The following POU6F2 variants were observed in gnomAD, a reference collection of about 807,000 sequenced individuals.
POU6F2 encodes POU domain, class 6, transcription factor 2.
A neutral mutation model predicts 71.3 loss-of-function variants in POU6F2; 31 were observed. The ratio of observed to expected loss-of-function variants is 0.43; its 90% confidence interval spans 0.33 to 0.59. The LOEUF is 0.59. Ranked by LOEUF, POU6F2 falls within the 20% of genes least tolerant of loss-of-function variation. The pLI is 0.04. For missense variants in POU6F2, 783 were observed against 856.8 expected (o/e 0.91, Z 1.07); for synonymous variants, 347 against 355.7 (o/e 0.98, Z 0.27).
At chr7:39,253,470 G>T (rs949757806) in intron 4 of POU6F2, among the ~76,000 whole-genome samples, 11 of 152,266 alleles carry the variant, frequency 7.2e-5, no homozygotes, top group African/African-American at 2.6e-4. Flanking sequence ...ATTTAATTTT[G>T]GTATTTCTGT....
intron 2 of POU6F2, among the ~76,000 whole-genome samples, chr7:39,090,033 C>T (rs933178480): frequency 7.9e-5 from 12 of 151,620 alleles, no homozygotes; most frequent in African/African-American, 1.9e-4. Context: ...TGCAAAACCA[C>T]GTATAAGCAT....
chr7:39,420,823 CTA>C (rs1184614979), intron 6 of POU6F2, among the ~76,000 whole-genome samples: 1 of 152,076 alleles, frequency 6.6e-6, no homozygotes, highest in Non-Finnish European at 1.5e-5. Flanking sequence ...TACTTTGAAA[CTA>C]ACTTTTGAGA....
chr7:39,457,796 T>A (rs544883308), intron 8 of POU6F2, among the ~76,000 whole-genome samples: 2 of 152,274 alleles, frequency 1.3e-5, no homozygotes, highest in South Asian at 4.1e-4. Flanking sequence ...CAGCTTTCCA[T>A]CTTTTCAGTT....
chr7:39,114,983 C>T (rs1305382025), intron 2 of POU6F2, among the ~76,000 whole-genome samples: 1 of 152,112 alleles, frequency 6.6e-6, no homozygotes, highest in Non-Finnish European at 1.5e-5. Context: ...GTTTAGGGAG[C>T]TAAAATGCCT....
chr7:39,022,533 C>T (rs970090711), intron 1 of POU6F2, among the ~76,000 whole-genome samples: 24 of 152,012 alleles, frequency 1.6e-4, no homozygotes, highest in African/African-American at 5.6e-4. Context: ...TCCCTAGTGC[C>T]TCAGAGGCAA....
At chr7:39,410,469 A>T (rs1199764414) in intron 6 of POU6F2, among the ~76,000 whole-genome samples, 1 of 152,182 alleles carries the variant, frequency 6.6e-6, no homozygotes, top group East Asian at 1.9e-4. Context: ...ATTGCTGAGA[A>T]AAACATCCTA....
At chr7:39,382,098 C>T (rs1312260586) in intron 5 of POU6F2, among the ~76,000 whole-genome samples, 1 of 151,934 alleles carries the variant, frequency 6.6e-6, no homozygotes, top group African/African-American at 2.4e-5. Flanking sequence ...GTCAAAATGT[C>T]ATGTACATTA....
At chr7:39,274,146 C>A (rs2128757603) in intron 4 of POU6F2, among the ~76,000 whole-genome samples, 1 of 152,172 alleles carries the variant, frequency 6.6e-6, no homozygotes, top group East Asian at 1.9e-4. Flanking sequence ...TCTTTCAAGA[C>A]CGCTAGCAAG....
intron 4 of POU6F2, among the ~76,000 whole-genome samples, chr7:39,257,434 A>G (rs552957694): frequency 1.3e-5 from 2 of 152,254 alleles, no homozygotes; most frequent in South Asian, 2.1e-4. Context: ...TTAAATTCCT[A>G]TTCGTATTGG....
At chr7:39,170,837 T>C (rs1286231026) in intron 2 of POU6F2, among the ~76,000 whole-genome samples, 2 of 152,024 alleles carry the variant, frequency 1.3e-5, no homozygotes, top group African/African-American at 4.8e-5. Flanking sequence ...TATCAAAATA[T>C]CACATGTGGC....
At chr7:39,403,995 C>T (rs1259059114) in intron 5 of POU6F2, among the ~76,000 whole-genome samples, 1 of 152,168 alleles carries the variant, frequency 6.6e-6, no homozygotes, top group Admixed American at 6.5e-5. Context: ...TCCACAAAGA[C>T]CTACTGGAAT....
intron 2 of POU6F2, among the ~76,000 whole-genome samples, chr7:39,179,440 T>C (rs1793392045): frequency 1.3e-5 from 2 of 152,256 alleles, no homozygotes; most frequent in Admixed American, 6.5e-5. Flanking sequence ...TTAGAATACG[T>C]CAAGCATTTA....
chr7:39,081,940 C>G (rs1201382055), intron 1 of POU6F2, among the ~76,000 whole-genome samples: 1 of 152,204 alleles, frequency 6.6e-6, no homozygotes, highest in Non-Finnish European at 1.5e-5. Context: ...TACCACTTAG[C>G]TGCGTGCCTT....
chr7:39,108,542 C>T (rs1791739568), intron 2 of POU6F2, among the ~76,000 whole-genome samples: 1 of 152,164 alleles, frequency 6.6e-6, no homozygotes, highest in Non-Finnish European at 1.5e-5. Context: ...GCCACATCCC[C>T]AGAAACTTGA....
intron 4 of POU6F2, among the ~76,000 whole-genome samples, chr7:39,297,458 C>G (rs1196807467): frequency 1.3e-5 from 2 of 152,164 alleles, no homozygotes; most frequent in Admixed American, 6.5e-5. Context: ...ATAGTTGCCT[C>G]AGACCAATCT....
chr7:39,296,664 C>T (rs370820950), intron 4 of POU6F2, among the ~76,000 whole-genome samples: 15 of 152,308 alleles, frequency 9.8e-5, no homozygotes, highest in East Asian at 9.7e-4. Flanking sequence ...CTCATTGGCA[C>T]CAACTCATCC....
chr7:39,200,894 G>T (rs1270192292), intron 2 of POU6F2, among the ~76,000 whole-genome samples: 1 of 151,662 alleles, frequency 6.6e-6, no homozygotes. Context: ...GGGTGTAGTG[G>T]CTCGCTCCTG....
chr7:39,004,805 G>T (rs1354781662), intron 1 of POU6F2, among the ~76,000 whole-genome samples: 2 of 152,092 alleles, frequency 1.3e-5, no homozygotes, highest in Admixed American at 1.3e-4. Context: ...GCTGTGCTCC[G>T]GGCCCTGCAA....
At chr7:39,295,937 G>A (rs560149633) in intron 4 of POU6F2, among the ~76,000 whole-genome samples, 3 of 152,196 alleles carry the variant, frequency 2.0e-5, no homozygotes, top group Non-Finnish European at 4.4e-5. Context: ...CCTGTTATCA[G>A]CCCTTCACAC....
Sources: gnomAD v4.1 joint callset for allele counts (sites outside exome capture counted in the v4.1 genomes callset) on GRCh38, gnomAD v4.1.1 for gene constraint, MANE v1.5 for transcripts, NCBI Gene and HGNC (gene_info 2026-07-23, HGNC 2026-07-21) for gene names.